Variants in C9orf78 observed in about 807,000 individuals in gnomAD.
The protein encoded by C9orf78 is chromosome 9 open reading frame 78.
A neutral mutation model predicts 37.4 loss-of-function variants in C9orf78; 19 were observed. That is an observed-to-expected ratio of 0.51 (90% CI 0.35 to 0.74). The LOEUF (loss-of-function observed/expected upper bound fraction) is 0.74, where lower values mean the gene tolerates loss of function less well. Ranked by LOEUF, C9orf78 falls within the 30% of genes least tolerant of loss-of-function variation. The pLI is 0.01. For missense variants in C9orf78, 291 were observed against 370.8 expected (o/e 0.78, Z 1.77); for synonymous variants, 130 against 128.0 (o/e 1.02, Z -0.10).
intron 4 of C9orf78, among the ~76,000 whole-genome samples, chr9:129,833,179 C>T (rs1402576180): frequency 6.6e-6 from 1 of 151,036 alleles, no homozygotes; most frequent in African/African-American, 2.4e-5. Context: ...TCAAGCTAAC[C>T]TCAGCCTCCC....
chr9:129,830,829 C>A, intron 6 of C9orf78, 42 bp downstream of exon 6: 1 of 1,419,100 alleles, frequency 7.0e-7, no homozygotes, highest in East Asian at 2.3e-5. Context: ...TAACTTTTAA[C>A]TGGAAAGCAC....
Position 129,829,247 on chromosome 9 carries a change from G to A in C9orf78, c.736C>T (p.Arg246Trp), listed in dbSNP as rs1423528768. Residue 246 changes from arginine to tryptophan, a missense_variant, in exon 8 of 9, where the codon CGG (arginine) becomes TGG (tryptophan). Transcript: ENST00000372447. ...IRRNKEEPKA[R>W]PLRVGDTEKP... Reference sequence around the variant, plus strand: ...TCCGTGTCACCTACTCTCAAGGGCCGGGCCTTGGGCTCTTCTTTGTTTCTC... The same window carrying A: ...TCCGTGTCACCTACTCTCAAGGGCCAGGCCTTGGGCTCTTCTTTGTTTCTC... 4 of 1,612,692 alleles carry A rather than the reference G, an allele frequency of 2.5e-6. No homozygotes were observed. The highest frequency in any genetic ancestry group is 2.5e-6 in the Non-Finnish European group (3 of 1,179,480).
chr9:129,832,997 AT>A, intron 4 of C9orf78, among the ~76,000 whole-genome samples: 1 of 108,100 alleles, frequency 9.3e-6, no homozygotes, highest in African/African-American at 2.8e-5. Context: ...ATATATATAT[AT>A]GTGTGTGTGT....
At chr9:129,830,665 C>T in intron 6 of C9orf78, 1 of 524,748 alleles carries the variant, frequency 1.9e-6, no homozygotes, top group Non-Finnish European at 3.5e-6. Flanking sequence ...GTGCCTGCCA[C>T]CATGCCCAGC....
chr9:129,833,013 G>GTA (rs34078936), intron 4 of C9orf78, among the ~76,000 whole-genome samples: 22 of 108,282 alleles, frequency 2.0e-4, no homozygotes, highest in African/African-American at 4.0e-4. Flanking sequence ...GTGTGTGTGT[G>GTA]TGTATATGTG....
At chr9:129,834,897 G>C (rs926039271) in intron 1 of C9orf78, 131 bp from the exon 2 acceptor site, 1 of 768,492 alleles carries the variant, frequency 1.3e-6, no homozygotes, top group African/African-American at 1.7e-5. Context: ...CAGTGGTCCA[G>C]AGGACGACCT....
At chr9:129,832,214 T>C (rs758310093) in intron 4 of C9orf78, among the ~76,000 whole-genome samples, 1 of 152,122 alleles carries the variant, frequency 6.6e-6, no homozygotes, top group African/African-American at 2.4e-5. Context: ...TAGGTATCCA[T>C]GGGGGATTGG....
intron 3 of C9orf78, 42 bp from the exon 4 acceptor site, chr9:129,833,559 A>G (rs779820599): frequency 1.3e-6 from 2 of 1,495,528 alleles, no homozygotes; most frequent in Admixed American, 1.7e-5. Context: ...ATCTAAATAC[A>G]TGGTAGTGGA....
At chr9:129,832,725 C>G (rs2031532980) in intron 4 of C9orf78, among the ~76,000 whole-genome samples, 1 of 152,188 alleles carries the variant, frequency 6.6e-6, no homozygotes, top group African/African-American at 2.4e-5. Context: ...AGGCATGAGC[C>G]ACCGCAGCTG....
At chr9:129,832,019 A>G (rs756248967) in intron 4 of C9orf78, 46 bp from the exon 5 acceptor site, 6 of 872,196 alleles carry the variant, frequency 6.9e-6, no homozygotes, top group Non-Finnish European at 1.0e-5. Flanking sequence ...TCACAACTCA[A>G]TGAGGCTGAG....
chr9:129,830,639 A>G, intron 6 of C9orf78: 1 of 482,550 alleles, frequency 2.1e-6, no homozygotes, highest in South Asian at 2.1e-5. Context: ...CAGCCTCCCA[A>G]GTAGCTGGAC....
rs2031395331 is a variant in C9orf78 at position 129,828,258 on chromosome 9, A to G, written c.779-6T>C. On this transcript the variant is annotated splice_polypyrimidine_tract_variant and splice_region_variant and intron_variant, in intron 8 of 8. Coordinates refer to ENST00000372447, the MANE Select transcript of C9orf78 (RefSeq NM_016520.3). ...CTTGCGGTTAGGAGGGGACCCTGAG[A>G]AGGAAAAGAACAGGAAAGGTGGTTT... 1 of 1,560,828 alleles carries G rather than the reference A, an allele frequency of 6.4e-7. No individual in the cohort carries two copies. The highest frequency in any genetic ancestry group is 1.1e-5 in the South Asian group (1 of 90,058).
At chr9:129,834,680 T>G (rs745657015) in intron 2 of C9orf78, 27 bp downstream of exon 2, 19 of 1,527,554 alleles carry the variant, frequency 1.2e-5, no homozygotes, top group African/African-American at 4.1e-5. Flanking sequence ...CCCCGCCGCC[T>G]CCTCCTCCTC....
Position 129,834,011 on chromosome 9 carries a change from G to A in C9orf78, c.144-302C>T, listed in dbSNP as rs1448064949. 3 of 375,576 alleles carry A rather than the reference G, an allele frequency of 8.0e-6. No individual in the cohort carries two copies. In the Admixed American group the frequency reaches 1.3e-4, roughly 16 times the overall value. 23.3% of individuals were successfully genotyped at this position (375,576 alleles called of 1,614,324 possible). On this transcript the variant is annotated intron_variant, in intron 2 of 8. Transcript: ENST00000372447. ...CTAAGATATTCTCATCATGGAAAGTGCAGCTAAAGATAAATTTAAGAGAAT... is the reference window on the plus strand; with the variant it reads ...CTAAGATATTCTCATCATGGAAAGTACAGCTAAAGATAAATTTAAGAGAAT...
chr9:129,834,499 T>C (rs2031626706), intron 2 of C9orf78: 3 of 513,396 alleles, frequency 5.8e-6, no homozygotes, highest in Middle Eastern at 5.1e-4. Context: ...TGTTTCTGTA[T>C]CTCTGGAGCA....
chr9:129,833,013 G>GTATATATATA (rs34078936), intron 4 of C9orf78, among the ~76,000 whole-genome samples: 2 of 108,282 alleles, frequency 1.8e-5, no homozygotes, highest in African/African-American at 2.7e-5. Flanking sequence ...GTGTGTGTGT[G>GTATATATATA]TGTATATGTG....
intron 4 of C9orf78, 65 bp downstream of exon 4, chr9:129,833,382 T>C: frequency 2.2e-6 from 2 of 908,494 alleles, no homozygotes; most frequent in Non-Finnish European, 3.7e-6. Context: ...CCCAGCTCTC[T>C]GAGGGAACCT....
At chr9:129,832,825 T>C (rs1217388482) in intron 4 of C9orf78, among the ~76,000 whole-genome samples, 4 of 152,140 alleles carry the variant, frequency 2.6e-5, no homozygotes, top group Admixed American at 2.0e-4. Context: ...GGTCTTTCTC[T>C]GTCACCCAGG....
chr9:129,834,984 G>C (rs2031671069), intron 1 of C9orf78, 155 bp downstream of exon 1: 1 of 697,910 alleles, frequency 1.4e-6, no homozygotes, highest in South Asian at 1.7e-5. Context: ...GCTTGGGGCG[G>C]TGGCCTCACC....
Sources: gnomAD v4.1 joint callset for allele counts (sites outside exome capture counted in the v4.1 genomes callset) on GRCh38, gnomAD v4.1.1 for gene constraint, MANE v1.5 for transcripts, NCBI Gene and HGNC (gene_info 2026-07-23, HGNC 2026-07-21) for gene names.